Variants in ATP11C observed in about 807,000 individuals in gnomAD.
The protein encoded by ATP11C is ATPase phospholipid transporting 11C (ATP11C blood group).
ATP11C carries 36 observed loss-of-function variants against 97.4 expected under a neutral mutation model. That is an observed-to-expected ratio of 0.37 (90% CI 0.28 to 0.49). The LOEUF (loss-of-function observed/expected upper bound fraction) is 0.49. Among genes scored for constraint, ATP11C ranks in the 20% least tolerant of loss-of-function variants. The pLI, the probability that ATP11C is intolerant of heterozygous loss-of-function variation, is 0.98. For missense variants in ATP11C, 730 were observed against 824.6 expected (o/e 0.89, Z 1.40); for synonymous variants, 275 against 290.9 (o/e 0.95, Z 0.56).
intron 1 of ATP11C, among the ~76,000 whole-genome samples, chrX:139,855,218 A>C (rs748127303): frequency 3.4e-4 from 38 of 110,962 alleles, no homozygotes; most frequent in Non-Finnish European, 4.3e-4. Context: ...ATTTCTCAGT[A>C]AGAAGGCACC....
At chrX:139,732,327 T>G (rs755968398) in intron 28 of ATP11C, 7 of 223,977 alleles carry the variant, frequency 3.1e-5, no homozygotes, top group South Asian at 2.2e-4. Flanking sequence ...TAAGCATCAA[T>G]AGAAGATATA....
chrX:139,885,298 G>A (rs1174379198), intron 1 of ATP11C, among the ~76,000 whole-genome samples: 2 of 110,336 alleles, frequency 1.8e-5, no homozygotes, highest in African/African-American at 6.6e-5. Flanking sequence ...CCACCACCCT[G>A]CCATTTACTA....
chrX:139,771,753 T>A (rs2082258760), intron 19 of ATP11C, among the ~76,000 whole-genome samples: 2 of 111,130 alleles, frequency 1.8e-5, no homozygotes, highest in Non-Finnish European at 1.9e-5. Context: ...GAGAGATGAT[T>A]TAGGGTATCT....
intron 1 of ATP11C, among the ~76,000 whole-genome samples, chrX:139,897,924 C>G (rs1188188057): frequency 1.9e-5 from 2 of 105,547 alleles, no homozygotes; most frequent in Non-Finnish European, 3.9e-5. Context: ...AGAGCAAAAC[C>G]CTGTGTCAAA....
At chrX:139,930,840 C>T (rs904258906) in intron 1 of ATP11C, among the ~76,000 whole-genome samples, 2 of 111,966 alleles carry the variant, frequency 1.8e-5, no homozygotes, top group Non-Finnish European at 3.8e-5. Flanking sequence ...GTGAAAGTTT[C>T]AAATGAAGGA....
chrX:139,898,945 C>T (rs2084852168), intron 1 of ATP11C, among the ~76,000 whole-genome samples: 1 of 111,698 alleles, frequency 9.0e-6, no homozygotes, highest in Admixed American at 9.6e-5. Flanking sequence ...GCAACACCAA[C>T]AGTGGTAAGT....
chrX:139,866,849 G>A (rs944771212), intron 1 of ATP11C, among the ~76,000 whole-genome samples: 7 of 111,548 alleles, frequency 6.3e-5, no homozygotes, highest in African/African-American at 1.3e-4. Context: ...TTGGGAGGCC[G>A]AGACAAGCAG....
intron 1 of ATP11C, among the ~76,000 whole-genome samples, chrX:139,922,698 A>C (rs1202609689): frequency 8.9e-6 from 1 of 111,768 alleles, no homozygotes; most frequent in Non-Finnish European, 1.9e-5. Context: ...CCATGCTGGC[A>C]TCCTGATCTT....
chrX:139,914,611 T>G (rs1009287360), intron 1 of ATP11C, among the ~76,000 whole-genome samples: 3 of 112,078 alleles, frequency 2.7e-5, no homozygotes, highest in Non-Finnish European at 1.9e-5. Context: ...CTCCATAATG[T>G]GGGTGGGCCT....
chrX:139,874,988 A>C (rs1312064475), intron 1 of ATP11C, among the ~76,000 whole-genome samples: 1 of 111,135 alleles, frequency 9.0e-6, no homozygotes, highest in African/African-American at 3.3e-5. Flanking sequence ...CCTCCCCCTA[A>C]TCTCAATCCT....
intron 2 of ATP11C, among the ~76,000 whole-genome samples, chrX:139,825,876 T>C (rs1005147949): frequency 2.7e-5 from 3 of 112,367 alleles, no homozygotes; most frequent in African/African-American, 9.7e-5. Context: ...TAGGCCAACC[T>C]AGCACCTAAC....
intron 14 of ATP11C, among the ~76,000 whole-genome samples, chrX:139,787,478 A>C (rs1381494912): frequency 9.0e-6 from 1 of 111,140 alleles, no homozygotes; most frequent in East Asian, 2.8e-4. Flanking sequence ...TTGTATTTTT[A>C]GTAGAGACAG....
At chrX:139,850,766 G>C (rs1486944939) in intron 1 of ATP11C, among the ~76,000 whole-genome samples, 1 of 110,034 alleles carries the variant, frequency 9.1e-6, no homozygotes, top group Non-Finnish European at 1.9e-5. Context: ...CAAACAATTA[G>C]CCAGGCGTAG....
intron 1 of ATP11C, among the ~76,000 whole-genome samples, chrX:139,835,792 G>A (rs922672064): frequency 9.4e-6 from 1 of 106,250 alleles, no homozygotes; most frequent in Admixed American, 1.0e-4. Context: ...ACTTTGGGAA[G>A]CCGAGGTGGG....
chrX:139,828,856 A>G (rs2083586818), intron 1 of ATP11C, among the ~76,000 whole-genome samples: 1 of 112,180 alleles, frequency 8.9e-6, no homozygotes, highest in Admixed American at 9.4e-5. Flanking sequence ...TGCTTTCCCA[A>G]TTCTGAATTG....
At chrX:139,749,463 A>G (rs1407286229) in intron 24 of ATP11C, among the ~76,000 whole-genome samples, 1 of 112,124 alleles carries the variant, frequency 8.9e-6, no homozygotes, top group African/African-American at 3.2e-5. Context: ...AAGTTAAACA[A>G]CTGGGGCTAG....
intron 1 of ATP11C, among the ~76,000 whole-genome samples, chrX:139,911,531 T>C (rs1051581504): frequency 5.4e-5 from 6 of 111,705 alleles, no homozygotes; most frequent in Admixed American, 1.9e-4. Context: ...AGAATGCCCA[T>C]TGGTACAACT....
intron 10 of ATP11C, 110 bp downstream of exon 10, chrX:139,798,163 T>C (rs761115434): frequency 1.6e-6 from 1 of 625,559 alleles, no homozygotes; most frequent in East Asian, 3.5e-5. Context: ...CTTAAAATTG[T>C]AGTTGCTATT....
At chrX:139,866,343 C>CAAAAAAAAAAAAAAAAAAAAAAAAAA (rs57250412) in intron 1 of ATP11C, among the ~76,000 whole-genome samples, 3 of 27,570 alleles carry the variant, frequency 1.1e-4, no homozygotes, top group East Asian at 2.2e-3. Flanking sequence ...GACTCTGTCT[C>CAAAAAAAAAAAAAAAAAAAAAAAAAA]AAAAAAAAAA....
Sources: gnomAD v4.1 joint callset for allele counts (sites outside exome capture counted in the v4.1 genomes callset) on GRCh38, gnomAD v4.1.1 for gene constraint, MANE v1.5 for transcripts, NCBI Gene and HGNC (gene_info 2026-07-23, HGNC 2026-07-21) for gene names.